PFKFB3: variants seen among roughly 807,000 people sequenced by gnomAD.
PFKFB3 encodes 6-phosphofructo-2-kinase/fructose-2,6-biphosphatase 3.
In PFKFB3, 33 loss-of-function variants were observed where a neutral mutation model predicts 68.0. The observed-to-expected ratio is 0.49, with a 90% confidence interval of 0.37 to 0.65. The LOEUF is 0.65. Among genes scored for constraint, PFKFB3 ranks in the 30% least tolerant of loss-of-function variants. The probability of loss-of-function intolerance (pLI) is 0.00; values close to 1 mark genes in which losing one functional copy is unlikely to be tolerated. For missense variants in PFKFB3, 586 were observed against 712.2 expected, an observed-to-expected ratio of 0.82 and a Z score of 2.02; for synonymous variants, 315 against 288.2, an observed-to-expected ratio of 1.09 and a Z score of -0.94.
downstream of PFKFB3, among the ~76,000 whole-genome samples, chr10:6,238,069 C>A (rs987979267): frequency 6.6e-6 from 1 of 151,868 alleles, no homozygotes; most frequent in African/African-American, 2.4e-5. Context: ...CATAAAGACA[C>A]CCGAATCGCC....
the PFKFB3 span, among the ~76,000 whole-genome samples, chr10:6,318,818 C>T: frequency 6.6e-6 from 1 of 152,160 alleles, no homozygotes; most frequent in Non-Finnish European, 1.5e-5. Flanking sequence ...AGCTCCGTCT[C>T]TGCGGTGAAA....
chr10:6,290,535 A>C, the PFKFB3 span, among the ~76,000 whole-genome samples: 2 of 129,712 alleles, frequency 1.5e-5, no homozygotes, highest in Non-Finnish European at 3.2e-5. Context: ...GTCTTGCTCT[A>C]TTGCCCAGGC....
chr10:6,161,577 C>T (rs79857837), intron 1 of PFKFB3, among the ~76,000 whole-genome samples: 243 of 25,836 alleles, frequency 9.4e-3, no homozygotes, highest in Non-Finnish European at 0.046. Flanking sequence ...TATATATATA[C>T]ACACACACAT....
At chr10:6,323,006 CAGTA>C in the PFKFB3 span, among the ~76,000 whole-genome samples, 1 of 152,206 alleles carries the variant, frequency 6.6e-6, no homozygotes, top group African/African-American at 2.4e-5. Flanking sequence ...GTTACATTGT[CAGTA>C]CTTAACAGGT....
At chr10:6,189,082 G>A (rs145595683) in intron 1 of PFKFB3, among the ~76,000 whole-genome samples, 11,145 of 152,114 alleles carry the variant, frequency 0.073, 510 homozygotes, top group South Asian at 0.11. Flanking sequence ...CTCGTGATCC[G>A]CCCGCCTTGG....
rs1288573003 is a variant in PFKFB3, at chr10:6,220,391, C to G, written c.624-267C>G. Among the ~76,000 whole-genome samples the G allele has an allele frequency of 6.6e-6, 1 of 152,222 alleles. No individual in the cohort carries two copies. Among genetic ancestry groups the G allele is most frequent in the Non-Finnish European group, 1.5e-5 (1 of 68,040 alleles). On this transcript the variant is annotated intron_variant, in intron 7 of 14. Coordinates refer to ENST00000379775, the MANE Select transcript of PFKFB3 (RefSeq NM_004566.4). The surrounding 1 kb of genome is among the most constrained non-coding windows in gnomAD (Gnocchi z 4.1). The stretch of plus-strand genomic sequence containing the variant: ...GTGCTGGGATTACAGGCATGAGCCA[C>G]TGCACAGGCCCCTTTCTTTTTTTCT...
At chr10:6,257,725 A>G (rs1015968309), downstream of PFKFB3, among the ~76,000 whole-genome samples, 3 of 152,120 alleles carry the variant, frequency 2.0e-5, no homozygotes, top group Admixed American at 1.3e-4. Flanking sequence ...GTTTCTGTGC[A>G]TGGGATTTAT....
At chr10:6,211,094 G>T (rs1056549481) in intron 1 of PFKFB3, among the ~76,000 whole-genome samples, 1 of 152,178 alleles carries the variant, frequency 6.6e-6, no homozygotes, top group Admixed American at 6.5e-5. Flanking sequence ...CTTACTATGC[G>T]ACAGAGCAGT....
At position 6,219,688 on chromosome 10, in the gene PFKFB3, C is replaced by A. The variant is rs780129830; in HGVS notation, c.618C>A (p.Cys206Ter). ...ACCAGCCCCTCGACCCCGACAAATG[C>A]GACAGGTGATTCCCGTGGCTGGCCG... ...ASYQPLDPDKCDRDLSLIKVI... is the reference protein window; with the variant it reads ...ASYQPLDPDK Residue 206 changes from cysteine (C) to a stop codon, truncating the protein, a stop_gained, in exon 7 of 15, where the codon TGC becomes TGA. Transcript: ENST00000379775. LOFTEE classifies it high-confidence loss of function. 1 of 1,613,484 alleles carries A rather than the reference C, an allele frequency of 6.2e-7. No individual in the cohort carries two copies. The highest frequency in any genetic ancestry group is 1.7e-5 in the Admixed American group (1 of 59,992).
intron 1 of PFKFB3, among the ~76,000 whole-genome samples, chr10:6,208,096 A>T (rs1039304484): frequency 2.1e-4 from 32 of 152,128 alleles, no homozygotes; most frequent in Admixed American, 1.6e-3. Flanking sequence ...TTGTTTTTTG[A>T]GACAGGGTCT....
rs1188229534 is a variant in PFKFB3, at chr10:6,213,744, A to G, written c.198A>G (p.Thr66=). The change falls in exon 2 of 15, where the codon ACA becomes ACG. Residue 66 remains threonine (T), a synonymous_variant. Transcript: ENST00000379775. ...TRYLNWIGVP[T]KVFNVGEYRR... ...ACCTCAACTGGATTGGCGTCCCCAC[A>G]AAAGGTGAGACTGGGTCTCGAGGCC... is the stretch of plus-strand genomic sequence containing the variant. 6 of 1,611,972 alleles carry G rather than the reference A, an allele frequency of 3.7e-6. No homozygotes were observed. The highest frequency in any genetic ancestry group is 1.7e-5 in the Admixed American group (1 of 59,646).
chr10:6,186,797 C>CTAA (rs1842878196), intron 1 of PFKFB3, among the ~76,000 whole-genome samples: 1 of 152,124 alleles, frequency 6.6e-6, no homozygotes, highest in Non-Finnish European at 1.5e-5. Context: ...TGCACCTAGC[C>CTAA]TTTATTCGTT....
At position 6,220,825 on chromosome 10, in the gene PFKFB3, G is replaced by A. The variant is rs377041246; in HGVS notation, c.791G>A (p.Arg264His). 3.7e-6 allele frequency: 6 copies of A among 1,613,134 alleles called. No homozygotes were observed. The highest frequency in any genetic ancestry group is 1.1e-5 in the South Asian group (1 of 91,086). The change falls in exon 8 of 15, where the codon CGC becomes CAC. Residue 264 changes from arginine (R) to histidine (H), a missense_variant. Transcript: ENST00000379775. This position sits in a 1 kb window ranked among gnomAD's most constrained non-coding sequence, Gnocchi z 4.1. The part of the protein sequence containing the change: ...HGENEHNLQG[R>H]IGGDSGLSSR... Reference sequence around the variant, plus strand: ...GAGAACGAGCACAACCTCCAGGGCCGCATCGGGGGCGACTCAGGCCTGTCC... The same window carrying A: ...GAGAACGAGCACAACCTCCAGGGCCACATCGGGGGCGACTCAGGCCTGTCC...
At position 6,173,923 on chromosome 10, in the gene PFKFB3, G is replaced by A. The variant is rs549379508; in HGVS notation, c.16+28910G>A. On this transcript the variant is annotated intron_variant, in intron 1 of 14. Transcript: ENST00000379789. ...TGCGCAGTGGACGCAAACGGGAGGC[G>A]GGGAGGAAGAGATGGGGAGTGAGGG... Among the ~76,000 whole-genome samples the A allele has an allele frequency of 2.0e-5, 3 of 152,166 alleles. No homozygotes were observed. In the East Asian group the frequency reaches 5.8e-4, roughly 29 times the overall value.
At chr10:6,156,846 C>T (rs1435836744) in intron 1 of PFKFB3, among the ~76,000 whole-genome samples, 1 of 151,782 alleles carries the variant, frequency 6.6e-6, no homozygotes, top group Non-Finnish European at 1.5e-5. Context: ...AATCCCAGCA[C>T]TTTGGGAGGC....
intron 14 of PFKFB3, among the ~76,000 whole-genome samples, chr10:6,249,299 A>G (rs1354617335): frequency 6.6e-6 from 1 of 152,156 alleles, no homozygotes; most frequent in Admixed American, 6.5e-5. Flanking sequence ...AATGTGGAAA[A>G]TAGAATTACT....
chr10:6,315,105 C>T, the PFKFB3 span, among the ~76,000 whole-genome samples: 2 of 152,200 alleles, frequency 1.3e-5, no homozygotes, highest in South Asian at 4.1e-4. Flanking sequence ...CTGCCCACCC[C>T]TAGGCCAAAC....
rs1005807576 is a variant in PFKFB3 at position 6,229,041 on chromosome 10, C to T, written c.1515+2676C>T. On this transcript the variant is annotated intron_variant, in intron 14 of 14. Coordinates refer to ENST00000379775, the MANE Select transcript of PFKFB3 (RefSeq NM_004566.4). The surrounding 1 kb of genome is among the most constrained non-coding windows in gnomAD (Gnocchi z 4.3). Reference sequence around the variant, plus strand: ...CCACATGAAGTGTCATCCCCTTGCCCCCCCAAAAACACACCCGCCCCTTTA... The same window carrying T: ...CCACATGAAGTGTCATCCCCTTGCCTCCCCAAAAACACACCCGCCCCTTTA... The T allele has an allele frequency of 1.2e-5, 6 of 486,786 alleles. No individual in the cohort carries two copies. The highest frequency in any genetic ancestry group is 2.5e-5 in the Non-Finnish European group (6 of 235,678). The allele number at this position is 486,786 out of a possible 1,614,324, so 30.2% of individuals were successfully genotyped here. A position where few individuals can be genotyped will look rare whatever the true frequency, so the allele number is the denominator to read the frequency against.
At chr10:6,222,572 TC>T in intron 10 of PFKFB3, 1 of 248,552 alleles carries the variant, frequency 4.0e-6, no homozygotes, top group South Asian at 4.7e-5. Flanking sequence ...TTCTGGGCAT[TC>T]CATGTCAGTG....
Sources: allele counts gnomAD v4.1 joint callset (sites outside exome capture counted in the v4.1 genomes callset), GRCh38; gene constraint gnomAD v4.1.1; non-coding constraint Gnocchi (gnomAD v3.1); transcripts MANE v1.5; gene names NCBI Gene and HGNC (gene_info 2026-07-23, HGNC 2026-07-21).